The following MAP2 variants were observed in gnomAD, a reference collection of about 807,000 sequenced individuals.
MAP2 encodes the protein microtubule-associated protein 2.
Under a neutral mutation model 137.6 loss-of-function variants are expected in MAP2, and 14 were observed. The observed-to-expected ratio is 0.10, with a 90% confidence interval of 0.07 to 0.16. The LOEUF (loss-of-function observed/expected upper bound fraction) is 0.16. Among genes scored for constraint, MAP2 ranks in the 10% least tolerant of loss-of-function variants. The pLI is 1.00. For missense variants in MAP2, 2,088 were observed against 2,191.5 expected, an observed-to-expected ratio of 0.95 and a Z score of 0.94; for synonymous variants, 786 against 782.3, an observed-to-expected ratio of 1.00 and a Z score of -0.08.
chr2:209,561,627 C>T (rs2072117881), intron 2 of MAP2, among the ~76,000 whole-genome samples: 1 of 152,108 alleles, frequency 6.6e-6, no homozygotes, highest in Non-Finnish European at 1.5e-5. Context: ...CAAATATTAG[C>T]TCTTATTTTT....
At chr2:209,630,796 C>T (rs2092923765) in intron 4 of MAP2, among the ~76,000 whole-genome samples, 1 of 151,614 alleles carries the variant, frequency 6.6e-6, no homozygotes, top group Non-Finnish European at 1.5e-5. Flanking sequence ...GGAGTGTTCA[C>T]TACATACTAT....
At chr2:209,429,230 G>A (rs1288580888) in intron 1 of MAP2, among the ~76,000 whole-genome samples, 2 of 152,138 alleles carry the variant, frequency 1.3e-5, no homozygotes, top group Non-Finnish European at 2.9e-5. Flanking sequence ...TGGGATTACA[G>A]TCATGAGCCA....
chr2:209,704,682 T>C (rs2062853023), intron 11 of MAP2: 1 of 1,410,638 alleles, frequency 7.1e-7, no homozygotes, highest in Non-Finnish European at 9.5e-7. Flanking sequence ...GGTTATGTTA[T>C]AGAACCTAAT....
rs770531225 is a variant in MAP2, at chr2:209,730,290, C to A, written c.5377C>A (p.Arg1793=). ...PGRSSVASPR[R]LSNVSSSGSI... is the part of the protein sequence containing the mutation. ...CAGATCCAGCGTGGCATCACCCCGA[C>A]GACTCAGCAATGTCTCCTCGTCTGG... The change falls in exon 16 of 16, where the codon CGA becomes AGA. Residue 1793 remains arginine, a synonymous_variant. Transcript: ENST00000682079. 3 of 1,614,068 alleles carry A rather than the reference C, an allele frequency of 1.9e-6. No individual in the cohort carries two copies. In the South Asian group the frequency reaches 3.3e-5, roughly 18 times the overall value.
chr2:209,614,932 A>G (rs1259673323), intron 3 of MAP2, among the ~76,000 whole-genome samples: 2 of 152,196 alleles, frequency 1.3e-5, no homozygotes, highest in Non-Finnish European at 2.9e-5. Flanking sequence ...CTCTGCTTCT[A>G]GAGCTTTTAG....
chr2:209,523,971 C>T (rs2063650141), intron 2 of MAP2, among the ~76,000 whole-genome samples: 1 of 152,100 alleles, frequency 6.6e-6, no homozygotes. Context: ...ACATTGTTTG[C>T]CTGCTCACTG....
chr2:209,658,814 A>G (rs1406874453), intron 5 of MAP2, among the ~76,000 whole-genome samples: 1 of 152,142 alleles, frequency 6.6e-6, no homozygotes, highest in African/African-American at 2.4e-5. Flanking sequence ...GCCGAGAGGA[A>G]AAAATTTTCT....
chr2:209,566,641 A>T (rs902975450), intron 2 of MAP2, among the ~76,000 whole-genome samples: 12 of 152,182 alleles, frequency 7.9e-5, no homozygotes, highest in Non-Finnish European at 2.9e-5. Context: ...AGTGATGTAC[A>T]AATAGTGCTG....
At chr2:209,677,215 T>C (rs2052245381) in intron 5 of MAP2, among the ~76,000 whole-genome samples, 1 of 151,912 alleles carries the variant, frequency 6.6e-6, no homozygotes, top group Admixed American at 6.6e-5. Context: ...TTAACTGCTG[T>C]AACTGTGAAA....
At chr2:209,459,728 G>A (rs1227770151) in intron 1 of MAP2, among the ~76,000 whole-genome samples, 1 of 152,196 alleles carries the variant, frequency 6.6e-6, no homozygotes, top group African/African-American at 2.4e-5. Context: ...TCTCTGATGT[G>A]CACTGCCTAC....
intron 2 of MAP2, among the ~76,000 whole-genome samples, chr2:209,515,264 C>G (rs530204747): frequency 6.6e-6 from 1 of 152,090 alleles, no homozygotes; most frequent in Admixed American, 6.6e-5. Context: ...TTATACCTGC[C>G]AAAGTTTGTA....
intron 1 of MAP2, among the ~76,000 whole-genome samples, chr2:209,483,670 A>C (rs955214214): frequency 1.3e-5 from 2 of 152,238 alleles, no homozygotes; most frequent in African/African-American, 4.8e-5. Flanking sequence ...TTGTTTATCT[A>C]CAAGAAAAAT....
chr2:209,519,330 C>T (rs1006093069), intron 2 of MAP2, among the ~76,000 whole-genome samples: 6 of 152,056 alleles, frequency 3.9e-5, no homozygotes, highest in African/African-American at 1.4e-4. Context: ...CTAAATTCTT[C>T]AGGTAATTGG....
intron 4 of MAP2, among the ~76,000 whole-genome samples, chr2:209,644,814 G>A (rs1172715627): frequency 1.3e-5 from 2 of 152,068 alleles, no homozygotes; most frequent in Non-Finnish European, 2.9e-5. Context: ...CGAAGAAAAG[G>A]TATGGAAAAC....
chr2:209,716,822 A>G (rs961991548), intron 13 of MAP2, among the ~76,000 whole-genome samples: 1 of 152,186 alleles, frequency 6.6e-6, no homozygotes, highest in African/African-American at 2.4e-5. Context: ...AGACTCTTAA[A>G]TCATTTTAAA....
intron 2 of MAP2, among the ~76,000 whole-genome samples, chr2:209,579,022 T>C (rs560553282): frequency 1.8e-3 from 276 of 152,208 alleles, no homozygotes; most frequent in African/African-American, 6.4e-3. Context: ...TAGGAAAATA[T>C]ACATAAATAT....
At chr2:209,470,604 C>T (rs1705425089) in intron 1 of MAP2, among the ~76,000 whole-genome samples, 1 of 151,970 alleles carries the variant, frequency 6.6e-6, no homozygotes, top group Non-Finnish European at 1.5e-5. Flanking sequence ...GATGTCTTGT[C>T]TTTGTCACCA....
At chr2:209,605,940 A>G (rs1056486219) in intron 3 of MAP2, among the ~76,000 whole-genome samples, 1 of 152,184 alleles carries the variant, frequency 6.6e-6, no homozygotes, top group African/African-American at 2.4e-5. Context: ...TCTGGAAATC[A>G]ACTCAAGAGG....
intron 7 of MAP2, chr2:209,690,798 A>T (rs1278625128): frequency 1.6e-6 from 2 of 1,289,330 alleles, no homozygotes; most frequent in South Asian, 1.2e-5. Context: ...AGTGTAAAAG[A>T]GGTCAAGGAG....
Sources: gnomAD v4.1 joint callset for allele counts (sites outside exome capture counted in the v4.1 genomes callset) on GRCh38, gnomAD v4.1.1 for gene constraint, MANE v1.5 for transcripts, NCBI Gene and HGNC (gene_info 2026-07-23, HGNC 2026-07-21) for gene names.